GLG1: variants seen among roughly 807,000 people sequenced by gnomAD.
GLG1 encodes the protein Golgi apparatus protein 1.
A neutral mutation model predicts 160.5 loss-of-function variants in GLG1; 38 were observed. That is an observed-to-expected ratio of 0.24 (90% confidence interval 0.18 to 0.31). GLG1 has a LOEUF of 0.31. GLG1 is among the 10% of genes least tolerant of loss of function. The pLI, the probability that GLG1 is intolerant of heterozygous loss-of-function variation, is 1.00. For synonymous variants in GLG1, 644 were observed against 543.4 expected, an observed-to-expected ratio of 1.19 and a Z score of -2.57; for missense variants, 1,373 against 1,505.2, an observed-to-expected ratio of 0.91 and a Z score of 1.45.
intron 2 of GLG1, among the ~76,000 whole-genome samples, chr16:74,531,404 C>T (rs1303257078): frequency 1.3e-5 from 2 of 152,192 alleles, no homozygotes; most frequent in African/African-American, 2.4e-5. Flanking sequence ...ATGAAACCTC[C>T]GCCTCCTGGG....
chr16:74,497,360 G>T (rs1385802291), intron 4 of GLG1, among the ~76,000 whole-genome samples: 4 of 149,534 alleles, frequency 2.7e-5, no homozygotes, highest in African/African-American at 9.8e-5. Context: ...TTCATGTCAA[G>T]ACTGAAATTA....
rs1597208840 is a variant in GLG1, at chr16:74,451,398, AAAAG to A, written c.*1765_*1768del. 6.6e-6 allele frequency: 1 copy of A among 152,334 alleles called. No homozygotes were observed. The highest frequency in any genetic ancestry group is 1.9e-4 in the East Asian group (1 of 5,164). The allele number at this position is 152,334 out of a possible 1,614,324, so 9.4% of individuals were successfully genotyped here. Reference sequence around the variant, plus strand: ...TCCAGGAAGGGCAGCAAATAGAAAAAAAAGAAAGAAAACCACAGTATTCAAATAT... The same window carrying A: ...TCCAGGAAGGGCAGCAAATAGAAAAAAAAGAAAACCACAGTATTCAAATAT... On this transcript the variant is annotated 3_prime_UTR_variant, in exon 26 of 26. Transcript: ENST00000422840.
At chr16:74,485,974 G>A in intron 8 of GLG1, 57 bp from the exon 9 acceptor site, 9 of 1,417,604 alleles carry the variant, frequency 6.3e-6, no homozygotes, top group Non-Finnish European at 7.9e-6. Flanking sequence ...CTAGGTAAGA[G>A]CAGTGTCTTC....
intron 4 of GLG1, among the ~76,000 whole-genome samples, chr16:74,502,859 C>T (rs1232591512): frequency 6.6e-6 from 1 of 150,994 alleles, no homozygotes; most frequent in Non-Finnish European, 1.5e-5. Context: ...CATGAGCCAC[C>T]GCGCCCGGCC....
At chr16:74,495,261 C>T (rs2143403665) in intron 5 of GLG1, among the ~76,000 whole-genome samples, 1 of 152,014 alleles carries the variant, frequency 6.6e-6, no homozygotes. Context: ...TTACAGGCCC[C>T]CGCCACCCTG....
chr16:74,475,633 T>G (rs2015368896), intron 12 of GLG1, among the ~76,000 whole-genome samples: 1 of 152,194 alleles, frequency 6.6e-6, no homozygotes, highest in Non-Finnish European at 1.5e-5. Context: ...GTTTAGAGGT[T>G]TCAAGTATAA....
In GLG1 at chr16:74,456,679, G is replaced by C. The variant is rs1245344736; in HGVS notation, c.3342C>G (p.Asp1114Glu). 1 of 1,606,734 alleles carries C rather than the reference G, an allele frequency of 6.2e-7. No individual in the cohort carries two copies. The highest frequency in any genetic ancestry group is 8.5e-7 in the Non-Finnish European group (1 of 1,176,324). Residue 1114 changes from aspartate (D) to glutamate (E), a missense_variant, in exon 25 of 26, where the codon GAC becomes GAG. Asp to Glu is a conservative substitution (Grantham distance 45). Around this residue, in one of 4 missense-constraint regions of GLG1, gnomAD observed 491 missense variants for 632.1 expected, o/e 0.78. Transcript: ENST00000422840. ...LQPECKKRLN[D>E]RIEMWSYAAK... ...CTGCGTAACTCCACATCTCAATCCG[G>C]TCATTGAGGCGCTTTTTGCACTCGG...
chr16:74,516,199 G>A (rs1597295787), intron 2 of GLG1, among the ~76,000 whole-genome samples: 2 of 151,606 alleles, frequency 1.3e-5, no homozygotes, highest in East Asian at 3.8e-4. Context: ...TCTGCACCAA[G>A]CAGACCTAAT....
Position 74,459,677 on chromosome 16 carries a change from G to C in GLG1, c.3144+5C>G, listed in dbSNP as rs1029484008. ...AAGTGAGGAAAAGAAGGTGACGGTG[G>C]TTACCTTTTTACACAATTCTGTTTT... On this transcript the variant is annotated splice_donor_5th_base_variant and intron_variant, in intron 23 of 25. Transcript: ENST00000422840. 7.1e-7 allele frequency: 1 copy of C among 1,409,508 alleles called. No individual in the cohort carries two copies. The highest frequency in any genetic ancestry group is 1.0e-6 in the Non-Finnish European group (1 of 1,004,186). 87.3% of individuals were successfully genotyped at this position (1,409,508 alleles called of 1,614,324 possible). A position where few individuals can be genotyped will look rare whatever the true frequency, so the allele number is the denominator to read the frequency against.
chr16:74,570,340 A>G (rs2018790382), intron 1 of GLG1, among the ~76,000 whole-genome samples: 1 of 152,146 alleles, frequency 6.6e-6, no homozygotes, highest in Non-Finnish European at 1.5e-5. Flanking sequence ...TTGTCTCTTT[A>G]CATTTATCTT....
chr16:74,499,742 G>A (rs978844588), intron 4 of GLG1, among the ~76,000 whole-genome samples: 5 of 152,306 alleles, frequency 3.3e-5, no homozygotes, highest in African/African-American at 9.6e-5. Context: ...GGTGGCTCAC[G>A]CCTGTAATCC....
intron 6 of GLG1, among the ~76,000 whole-genome samples, chr16:74,493,658 T>C (rs762264356): frequency 4.6e-5 from 7 of 152,108 alleles, no homozygotes; most frequent in Admixed American, 6.6e-5. Flanking sequence ...GGAAAGTAAA[T>C]GACAAGATAG....
chr16:74,560,723 T>G (rs2018488188), intron 1 of GLG1, among the ~76,000 whole-genome samples: 1 of 151,522 alleles, frequency 6.6e-6, no homozygotes, highest in Non-Finnish European at 1.5e-5. Flanking sequence ...GGCTTAGGCC[T>G]GTAACCCCAG....
chr16:74,489,208 C>T (rs894211150), intron 8 of GLG1, among the ~76,000 whole-genome samples: 1 of 152,076 alleles, frequency 6.6e-6, no homozygotes, highest in African/African-American at 2.4e-5. Context: ...TGGTGGCTTA[C>T]ACCTGTAATC....
chr16:74,513,570 A>C (rs535832300), intron 2 of GLG1, among the ~76,000 whole-genome samples: 1 of 152,320 alleles, frequency 6.6e-6, no homozygotes, highest in African/African-American at 2.4e-5. Context: ...TCTTAGAAGG[A>C]AAACTAACAA....
chr16:74,496,125 A>T (rs1412574167), intron 5 of GLG1, among the ~76,000 whole-genome samples: 1 of 152,090 alleles, frequency 6.6e-6, no homozygotes, highest in Non-Finnish European at 1.5e-5. Flanking sequence ...AAAATTGGCC[A>T]GGCAAGATGG....
At chr16:74,574,916 C>G (rs571293721) in intron 1 of GLG1, among the ~76,000 whole-genome samples, 6 of 49,150 alleles carry the variant, frequency 1.2e-4, no homozygotes, top group African/African-American at 3.8e-4. Flanking sequence ...AAAAAAAAGA[C>G]AGAGAGAGAG....
chr16:74,469,071 C>T lies in GLG1; in HGVS notation c.2319-8G>A, dbSNP rs377580065. ...CAGATCACCACGTCCACCCTGCAGA[C>T]GAAAGAAGCTTGAGGCTGGCTGGGG... is the stretch of plus-strand genomic sequence containing the variant. On this transcript the variant is annotated splice_polypyrimidine_tract_variant and splice_region_variant and intron_variant, in intron 16 of 25. Transcript: ENST00000422840. 50 of 1,602,812 alleles carry T rather than the reference C, an allele frequency of 3.1e-5. No individual in the cohort carries two copies. Among genetic ancestry groups the T allele is most frequent in the African/African-American group, 6.7e-5 (5 of 74,732 alleles).
rs553417644 is a variant in GLG1 at position 74,546,561 on chromosome 16, G to A, written c.439-14408C>T. Among the ~76,000 whole-genome samples the A allele has an allele frequency of 1.6e-4, 24 of 152,142 alleles. 1 individual carries two copies. The South Asian group carries it at 5.0e-3, about 32-fold the overall frequency. Reference sequence around the variant, plus strand: ...TTAGAAGGATCCCTGACTAGGCCAGGCGTGGTGGCTCACACCTGTAACCCC... The same window carrying A: ...TTAGAAGGATCCCTGACTAGGCCAGACGTGGTGGCTCACACCTGTAACCCC... On this transcript the variant is annotated intron_variant, in intron 1 of 25. Transcript: ENST00000422840.
Sources: gnomAD v4.1 joint callset for allele counts (sites outside exome capture counted in the v4.1 genomes callset) on GRCh38, gnomAD v4.1.1 for gene constraint, gnomAD v4.1.1 regional missense constraint, MANE v1.5 for transcripts, NCBI Gene and HGNC (gene_info 2026-07-23, HGNC 2026-07-21) for gene names.